The following NCKAP5 variants were observed in gnomAD, a reference collection of about 807,000 sequenced individuals.
NCKAP5 encodes nck-associated protein 5.
In NCKAP5, 92 loss-of-function variants were observed where a neutral mutation model predicts 167.0. That is an observed-to-expected ratio of 0.55 (90% CI 0.47 to 0.66). NCKAP5 has a LOEUF of 0.66. NCKAP5 is among the 30% of genes least tolerant of loss of function. The pLI is 0.00. For synonymous variants in NCKAP5, 891 were observed against 877.4 expected (o/e 1.02, Z -0.27); for missense variants, 2,378 against 2,315.0 (o/e 1.03, Z -0.56).
chr2:133,321,481 A>C (rs1173953418), intron 3 of NCKAP5, among the ~76,000 whole-genome samples: 2 of 152,228 alleles, frequency 1.3e-5, no homozygotes. Context: ...AGAGTTGTCA[A>C]GTACTTTGTC....
Position 132,783,261 on chromosome 2 carries a change from C to A in NCKAP5, c.3550G>T (p.Ala1184Ser). Residue 1184 changes from alanine (A) to serine (S), a missense_variant, in exon 14 of 20, where the codon GCT becomes TCT. By Grantham distance (99) the Ala-to-Ser change is moderately conservative. This residue lies in a region of NCKAP5 where 1,325 missense variants were observed against 1,274.5 expected (regional missense o/e 1.04). Transcript: ENST00000409261. ...TCCTCTGGCTTAGACTTGTTCACAGCCACGGAACTTTTGGAGGCTTCATTT... is the reference window on the plus strand; with the variant it reads ...TCCTCTGGCTTAGACTTGTTCACAGACACGGAACTTTTGGAGGCTTCATTT... ...SLNEASKSSV[A>S]VNKSKPEDSK... The A allele has an allele frequency of 1.2e-6, 2 of 1,613,916 alleles. No individual in the cohort carries two copies. The highest frequency in any genetic ancestry group is 1.7e-6 in the Non-Finnish European group (2 of 1,179,888).
At chr2:132,868,817 C>G (rs1252533590) in intron 10 of NCKAP5, 119 bp downstream of exon 10, 1 of 617,094 alleles carries the variant, frequency 1.6e-6, no homozygotes, top group Non-Finnish European at 2.6e-6. Context: ...ACGATTTTCA[C>G]TAAGTGAATA....
At chr2:133,237,540 T>C (rs887857461) in intron 4 of NCKAP5, among the ~76,000 whole-genome samples, 1 of 152,202 alleles carries the variant, frequency 6.6e-6, no homozygotes, top group Non-Finnish European at 1.5e-5. Flanking sequence ...TGAGTTCTGC[T>C]CTGGGCCAGC....
intron 6 of NCKAP5, among the ~76,000 whole-genome samples, chr2:133,102,004 A>G (rs944380014): frequency 1.3e-5 from 2 of 152,164 alleles, no homozygotes; most frequent in South Asian, 2.1e-4. Context: ...GTCTCTGGGG[A>G]AAAAAAATAA....
intron 4 of NCKAP5, among the ~76,000 whole-genome samples, chr2:133,220,802 C>T (rs887722571): frequency 2.0e-5 from 3 of 152,128 alleles, no homozygotes; most frequent in African/African-American, 7.2e-5. Flanking sequence ...GAGAGTGTCC[C>T]AGGGCATGCC....
intron 3 of NCKAP5, among the ~76,000 whole-genome samples, chr2:133,511,386 G>T (rs1683479459): frequency 6.6e-6 from 1 of 152,302 alleles, no homozygotes. Context: ...GATCTGCACT[G>T]TTGGAGAACA....
At chr2:132,870,494 G>A (rs533001199) in intron 9 of NCKAP5, among the ~76,000 whole-genome samples, 1 of 152,120 alleles carries the variant, frequency 6.6e-6, no homozygotes, top group East Asian at 1.9e-4. Context: ...TAAATTTTCT[G>A]AGTATCTACT....
At chr2:133,049,953 T>A (rs1183317668) in intron 6 of NCKAP5, among the ~76,000 whole-genome samples, 1 of 152,216 alleles carries the variant, frequency 6.6e-6, no homozygotes, top group Non-Finnish European at 1.5e-5. Flanking sequence ...CATTCATAAA[T>A]ACATAACTGT....
chr2:133,229,320 G>A (rs1250051935), intron 4 of NCKAP5, among the ~76,000 whole-genome samples: 1 of 152,112 alleles, frequency 6.6e-6, no homozygotes, highest in African/African-American at 2.4e-5. Context: ...AATAAGAAAT[G>A]AGGGCATTTC....
chr2:133,309,987 T>C (rs1681115363), intron 3 of NCKAP5, among the ~76,000 whole-genome samples: 1 of 152,194 alleles, frequency 6.6e-6, no homozygotes, highest in Non-Finnish European at 1.5e-5. Flanking sequence ...AATTCACCTT[T>C]GGGCAAAGCA....
chr2:133,223,658 C>A (rs994891746), intron 4 of NCKAP5, among the ~76,000 whole-genome samples: 2 of 152,036 alleles, frequency 1.3e-5, no homozygotes, highest in Non-Finnish European at 2.9e-5. Flanking sequence ...ACTGTTGCCC[C>A]CAAAACTTTA....
chr2:133,294,526 GAAT>G (rs1176090775), intron 4 of NCKAP5, among the ~76,000 whole-genome samples: 1 of 152,136 alleles, frequency 6.6e-6, no homozygotes, highest in Non-Finnish European at 1.5e-5. Flanking sequence ...CTCAAGGATA[GAAT>G]AATGGCATGT....
the NCKAP5 span, among the ~76,000 whole-genome samples, chr2:133,608,818 C>T: frequency 6.6e-6 from 1 of 152,164 alleles, no homozygotes; most frequent in Non-Finnish European, 1.5e-5. Context: ...TATTGGTTTC[C>T]CATTATCTAG....
At chr2:133,667,748 G>A in the NCKAP5 span, among the ~76,000 whole-genome samples, 37 of 152,056 alleles carry the variant, frequency 2.4e-4, no homozygotes, top group Non-Finnish European at 4.6e-4. Context: ...CAATTAACTA[G>A]TTTCCTTCAA....
At chr2:133,159,304 CCAA>C (rs1219691046) in intron 5 of NCKAP5, among the ~76,000 whole-genome samples, 1 of 152,084 alleles carries the variant, frequency 6.6e-6, no homozygotes, top group Non-Finnish European at 1.5e-5. Context: ...CCAGATTCTG[CCAA>C]CAACCTGAGT....
chr2:133,216,987 A>C (rs1039267429), intron 4 of NCKAP5, among the ~76,000 whole-genome samples: 7 of 152,120 alleles, frequency 4.6e-5, no homozygotes, highest in Non-Finnish European at 1.0e-4. Context: ...TTTATTAAAA[A>C]CATTATAATA....
chr2:132,919,972 G>T (rs1205518091), intron 8 of NCKAP5, among the ~76,000 whole-genome samples: 1 of 152,112 alleles, frequency 6.6e-6, no homozygotes, highest in Admixed American at 6.5e-5. Flanking sequence ...TCTGTGGCCT[G>T]GATGCTGTTG....
At chr2:133,295,411 G>C (rs1679890219) in intron 4 of NCKAP5, among the ~76,000 whole-genome samples, 1 of 152,086 alleles carries the variant, frequency 6.6e-6, no homozygotes, top group African/African-American at 2.4e-5. Flanking sequence ...TAATGGCTCT[G>C]AGAAGTTCTA....
At chr2:133,245,328 G>A (rs2087922412) in intron 4 of NCKAP5, among the ~76,000 whole-genome samples, 2 of 151,970 alleles carry the variant, frequency 1.3e-5, no homozygotes, top group African/African-American at 2.4e-5. Context: ...CAATGATATA[G>A]GTAAGTATCA....
Sources: allele counts gnomAD v4.1 joint callset (sites outside exome capture counted in the v4.1 genomes callset), GRCh38; gene constraint gnomAD v4.1.1; regional missense constraint gnomAD v4.1.1; transcripts MANE v1.5; gene names NCBI Gene and HGNC (gene_info 2026-07-23, HGNC 2026-07-21).